The following GAB3 variants were observed in gnomAD, a reference collection of about 807,000 sequenced individuals.
The protein encoded by GAB3 is GRB2-associated-binding protein 3.
Under a neutral mutation model 40.4 loss-of-function variants are expected in GAB3, and 12 were observed. That is an observed-to-expected ratio of 0.30 (90% CI 0.19 to 0.48). The LOEUF (loss-of-function observed/expected upper bound fraction) is 0.48, where lower values mean the gene tolerates loss of function less well. Ranked by LOEUF, GAB3 falls within the 20% of genes least tolerant of loss-of-function variation. The pLI is 0.99. For missense variants in GAB3, 381 were observed against 461.9 expected, an observed-to-expected ratio of 0.82 and a Z score of 1.61; for synonymous variants, 154 against 176.7, an observed-to-expected ratio of 0.87 and a Z score of 1.02.
intron 8 of GAB3, among the ~76,000 whole-genome samples, chrX:154,684,415 AT>A (rs1165074745): frequency 3.6e-5 from 4 of 109,981 alleles, no homozygotes; most frequent in Non-Finnish European, 5.7e-5. Context: ...TCAATTTCTG[AT>A]TTTTTTTTAA....
chrX:154,723,718 C>T (rs193042775), intron 1 of GAB3, among the ~76,000 whole-genome samples: 6 of 111,307 alleles, frequency 5.4e-5, no homozygotes, highest in African/African-American at 1.3e-4. Context: ...CAAGAGTTCA[C>T]GATAGACTGT....
chrX:154,743,881 A>T (rs147903491), intron 1 of GAB3, among the ~76,000 whole-genome samples: 2,664 of 111,697 alleles, frequency 0.024, 25 homozygotes, highest in Non-Finnish European at 0.034. Context: ...AAACATTTCA[A>T]TAATCATACT....
chrX:154,742,878 T>C (rs893268191), intron 1 of GAB3, among the ~76,000 whole-genome samples: 63 of 109,110 alleles, frequency 5.8e-4, no homozygotes, highest in Admixed American at 2.9e-3. Context: ...TTTGTGGGGA[T>C]AGAAATGGTC....
intron 1 of GAB3, among the ~76,000 whole-genome samples, chrX:154,725,167 G>A (rs2071194963): frequency 9.0e-6 from 1 of 111,499 alleles, no homozygotes; most frequent in African/African-American, 3.3e-5. Flanking sequence ...TCTGCTGACA[G>A]CTCAATTTCA....
intron 1 of GAB3, among the ~76,000 whole-genome samples, chrX:154,733,376 G>C (rs180810786): frequency 1.5e-3 from 171 of 112,096 alleles, no homozygotes; most frequent in African/African-American, 5.3e-3. Context: ...TCTAATCATT[G>C]ATCAGGATTA....
intron 1 of GAB3, among the ~76,000 whole-genome samples, chrX:154,734,642 C>T (rs1475025153): frequency 8.9e-6 from 1 of 112,115 alleles, no homozygotes; most frequent in African/African-American, 3.2e-5. Flanking sequence ...TAGCACACTG[C>T]AGGCCCTGGG....
chrX:154,709,720 TA>T (rs1374469731), intron 4 of GAB3, among the ~76,000 whole-genome samples: 1 of 111,041 alleles, frequency 9.0e-6, no homozygotes, highest in Admixed American at 9.6e-5. Context: ...ATAATGGATA[TA>T]AAAAATGTGG....
chrX:154,711,951 G>T (rs1169562451), intron 4 of GAB3, among the ~76,000 whole-genome samples: 1 of 112,078 alleles, frequency 8.9e-6, no homozygotes, highest in African/African-American at 3.2e-5. Context: ...CAAAGGAGGG[G>T]TTGGGGGGAT....
intron 6 of GAB3, 99 bp downstream of exon 6, chrX:154,699,195 G>A: frequency 1.0e-5 from 7 of 677,564 alleles, no homozygotes; most frequent in Non-Finnish European, 1.6e-5. Flanking sequence ...GGCCCTCTGG[G>A]GTGGTTTCTC....
At chrX:154,746,777 G>C (rs2071535584) in intron 1 of GAB3, among the ~76,000 whole-genome samples, 1 of 112,236 alleles carries the variant, frequency 8.9e-6, no homozygotes, top group African/African-American at 3.2e-5. Flanking sequence ...TGGGATATGA[G>C]GTCAGTGAAA....
chrX:154,710,530 TGGAGAG>T (rs2070925470), intron 4 of GAB3, among the ~76,000 whole-genome samples: 1 of 111,582 alleles, frequency 9.0e-6, no homozygotes, highest in African/African-American at 3.3e-5. Flanking sequence ...GAGGGGGCGC[TGGAGAG>T]CCATGGGGAC....
Position 154,716,314 on chromosome X carries a change from A to G in GAB3, c.88T>C (p.Trp30Arg). The change falls in exon 2 of 10, where the codon TGG (tryptophan) becomes CGG (arginine). Residue 30 changes from tryptophan (W) to arginine (R), a missense_variant. By Grantham distance (101) the Trp-to-Arg change is moderately radical (BLOSUM62 -3). Coordinates refer to ENST00000424127, the MANE Select transcript of GAB3 (RefSeq NM_001081573.3). ...KLQRYAWRKR[W>R]FVLRRGRMSG... ...ATGCGGCCTCGCCGGAGGACAAACC[A>G]GCGCTTGCGCCAGGCCTGCAGAAAG... 8.3e-7 allele frequency: 1 copy of G among 1,209,527 alleles called. No homozygotes were observed. The highest frequency in any genetic ancestry group is 1.1e-6 in the Non-Finnish European group (1 of 894,122).
chrX:154,696,042 G>C, intron 7 of GAB3, 23 bp from the exon 8 acceptor site: 1 of 1,002,192 alleles, frequency 1.0e-6, no homozygotes, highest in Non-Finnish European at 1.4e-6. Context: ...ATATAGATGA[G>C]GTCAAAGCAA....
chrX:154,683,721 G>C (rs969276538), intron 8 of GAB3, among the ~76,000 whole-genome samples: 7 of 111,614 alleles, frequency 6.3e-5, no homozygotes, highest in African/African-American at 2.3e-4. Flanking sequence ...TTTTTTGTGG[G>C]GGGGAGGGGT....
At chrX:154,686,368 G>A (rs1038270581) in intron 8 of GAB3, among the ~76,000 whole-genome samples, 2 of 106,919 alleles carry the variant, frequency 1.9e-5, no homozygotes, top group Admixed American at 2.0e-4. Context: ...AGGAGGCTGA[G>A]GTGGGAGGAT....
In GAB3 at chrX:154,735,041, A is replaced by G. The variant is rs1167805903; in HGVS notation, c.72+15913T>C. On this transcript the variant is annotated intron_variant, in intron 1 of 9. Coordinates refer to ENST00000424127, the MANE Select transcript of GAB3 (RefSeq NM_001081573.3). Reference sequence around the variant, plus strand: ...ACCTAATTAATAGAAAAACATGGGCAAAATATATGAATCAGTATTTCACAG... The same window carrying G: ...ACCTAATTAATAGAAAAACATGGGCGAAATATATGAATCAGTATTTCACAG... Among the ~76,000 whole-genome samples, 5 of 112,415 alleles carry G rather than the reference A, an allele frequency of 4.4e-5. No homozygotes were observed. The East Asian group carries it at 1.4e-3, about 31-fold the overall frequency.
At chrX:154,710,715 G>C (rs782119364) in intron 4 of GAB3, among the ~76,000 whole-genome samples, 1 of 111,977 alleles carries the variant, frequency 8.9e-6, no homozygotes, top group African/African-American at 3.2e-5. Context: ...TTTGCTTCTA[G>C]GCACCACTGT....
chrX:154,747,045 G>A (rs782097339), intron 1 of GAB3, among the ~76,000 whole-genome samples: 4 of 112,214 alleles, frequency 3.6e-5, no homozygotes, highest in Middle Eastern at 4.6e-3. Context: ...TGCTCTTGTC[G>A]CCCAGGCTGG....
chrX:154,680,098 A>G, intron 9 of GAB3, 34 bp downstream of exon 9: 1 of 963,581 alleles, frequency 1.0e-6, no homozygotes, highest in Non-Finnish European at 1.5e-6. Flanking sequence ...AGATGGAATC[A>G]CCTGGGAATT....
Sources: allele counts gnomAD v4.1 joint callset (sites outside exome capture counted in the v4.1 genomes callset), GRCh38; gene constraint gnomAD v4.1.1; transcripts MANE v1.5; gene names NCBI Gene and HGNC (gene_info 2026-07-23, HGNC 2026-07-21).